The following ANKS1B variants were observed in gnomAD, a reference collection of about 807,000 sequenced individuals.
ANKS1B encodes ankyrin repeat and sterile alpha motif domain-containing protein 1B.
Under a neutral mutation model 148.3 loss-of-function variants are expected in ANKS1B, and 36 were observed. That is an observed-to-expected ratio of 0.24 (90% CI 0.19 to 0.32). The LOEUF is 0.32. Among genes scored for constraint, ANKS1B ranks in the 10% least tolerant of loss-of-function variants. The probability of loss-of-function intolerance (pLI) is 1.00; values close to 1 mark genes in which losing one functional copy is unlikely to be tolerated. For missense variants in ANKS1B, 1,157 were observed against 1,542.6 expected, an observed-to-expected ratio of 0.75 and a Z score of 4.19; for synonymous variants, 542 against 560.8, an observed-to-expected ratio of 0.97 and a Z score of 0.47.
At chr12:98,898,027 G>A (rs1039400039) in intron 17 of ANKS1B, among the ~76,000 whole-genome samples, 3 of 152,136 alleles carry the variant, frequency 2.0e-5, no homozygotes, top group African/African-American at 4.8e-5. Context: ...GACATACAGA[G>A]GGAAACAGTA....
intron 1 of ANKS1B, among the ~76,000 whole-genome samples, chr12:99,887,819 T>C (rs146443809): frequency 1.3e-5 from 2 of 152,228 alleles, no homozygotes; most frequent in East Asian, 1.9e-4. Flanking sequence ...TAAACTTCCA[T>C]AGTGGACAGA....
chr12:99,464,411 C>A (rs530341982), intron 10 of ANKS1B, among the ~76,000 whole-genome samples: 1 of 152,328 alleles, frequency 6.6e-6, no homozygotes, highest in Admixed American at 6.5e-5. Context: ...GAATGCAGTT[C>A]CTCACCAGCA....
chr12:98,977,895 T>G (rs2099900098), intron 17 of ANKS1B, among the ~76,000 whole-genome samples: 1 of 152,126 alleles, frequency 6.6e-6, no homozygotes, highest in Non-Finnish European at 1.5e-5. Flanking sequence ...GTGATATAGA[T>G]TCAGTAGTAT....
intron 1 of ANKS1B, among the ~76,000 whole-genome samples, chr12:99,886,555 A>G (rs920407939): frequency 1.3e-5 from 2 of 152,084 alleles, no homozygotes; most frequent in African/African-American, 2.4e-5. Flanking sequence ...ATATGTATGT[A>G]TGTGTATATA....
intron 7 of ANKS1B, among the ~76,000 whole-genome samples, 160 bp from the exon 8 acceptor site, chr12:99,773,248 G>A (rs533729693): frequency 6.6e-6 from 1 of 152,058 alleles, no homozygotes; most frequent in South Asian, 2.1e-4. Flanking sequence ...ACCATAATTA[G>A]TACAACAATA....
intron 2 of ANKS1B, among the ~76,000 whole-genome samples, chr12:99,823,741 A>G (rs1359394840): frequency 6.6e-6 from 1 of 152,214 alleles, no homozygotes; most frequent in Non-Finnish European, 1.5e-5. Flanking sequence ...TAAATCTTCA[A>G]TCTACCTTGA....
chr12:98,832,681 T>C (rs1361186623), intron 17 of ANKS1B, among the ~76,000 whole-genome samples: 1 of 152,156 alleles, frequency 6.6e-6, no homozygotes, highest in East Asian at 1.9e-4. Context: ...ACTGTGCTGC[T>C]GATGTCTCCT....
At chr12:99,847,213 C>G (rs1279634442) in intron 1 of ANKS1B, among the ~76,000 whole-genome samples, 1 of 151,946 alleles carries the variant, frequency 6.6e-6, no homozygotes, top group South Asian at 2.1e-4. Context: ...TCAAATGATC[C>G]TCCCACCTCA....
intron 17 of ANKS1B, among the ~76,000 whole-genome samples, chr12:98,933,617 A>G (rs2099815741): frequency 6.6e-6 from 1 of 152,088 alleles, no homozygotes; most frequent in Non-Finnish European, 1.5e-5. Context: ...GTTCCCACCA[A>G]CAGTGTGGAG....
intron 8 of ANKS1B, among the ~76,000 whole-genome samples, chr12:99,657,897 CAA>C (rs58151526): frequency 0.018 from 1,321 of 75,340 alleles, 22 homozygotes; most frequent in African/African-American, 0.066. Flanking sequence ...TCTCCTCCCT[CAA>C]AAAAAAAAAA....
chr12:99,357,237 T>C (rs1267976072), intron 12 of ANKS1B, among the ~76,000 whole-genome samples: 1 of 152,192 alleles, frequency 6.6e-6, no homozygotes, highest in East Asian at 1.9e-4. Context: ...CTATAAGTTT[T>C]TGGAAAGTGT....
At chr12:99,895,449 G>T (rs34166947) in intron 1 of ANKS1B, among the ~76,000 whole-genome samples, 1 of 150,312 alleles carries the variant, frequency 6.7e-6, no homozygotes, top group African/African-American at 2.4e-5. Flanking sequence ...GTGTCCTTTC[G>T]ATTCTATTTC....
intron 17 of ANKS1B, among the ~76,000 whole-genome samples, chr12:99,001,923 T>A (rs1332468756): frequency 1.3e-5 from 2 of 152,214 alleles, no homozygotes; most frequent in Non-Finnish European, 2.9e-5. Flanking sequence ...TCATTTGGCT[T>A]ATTTCTTTTA....
intron 8 of ANKS1B, among the ~76,000 whole-genome samples, chr12:99,697,687 G>C (rs1360812997): frequency 6.6e-6 from 1 of 152,050 alleles, no homozygotes; most frequent in East Asian, 1.9e-4. Flanking sequence ...GATTTGTCAA[G>C]AGCCACAGAA....
intron 1 of ANKS1B, among the ~76,000 whole-genome samples, chr12:99,903,358 T>C (rs2031566121): frequency 1.3e-5 from 2 of 152,174 alleles, no homozygotes; most frequent in South Asian, 4.1e-4. Context: ...ATTTTCAAAC[T>C]AGAAGCTGAA....
intron 11 of ANKS1B, among the ~76,000 whole-genome samples, chr12:99,401,053 T>A (rs2094391115): frequency 6.8e-6 from 1 of 146,122 alleles, no homozygotes; most frequent in Non-Finnish European, 1.5e-5. Flanking sequence ...CACCAATATT[T>A]CACCAAATAT....
At chr12:99,154,468 C>A (rs2075722736) in intron 14 of ANKS1B, 73 bp from the exon 15 acceptor site, 2 of 1,612,602 alleles carry the variant, frequency 1.2e-6, no homozygotes, top group African/African-American at 2.7e-5. Flanking sequence ...TAGTCCTGGG[C>A]TGAGAGGTGG....
intron 1 of ANKS1B, among the ~76,000 whole-genome samples, chr12:99,859,715 C>T (rs748632993): frequency 7.2e-4 from 109 of 151,720 alleles, no homozygotes; most frequent in Non-Finnish European, 1.2e-3. Context: ...GGCACAATCT[C>T]GGCTCACTGC....
At chr12:99,581,640 C>T (rs1327243239) in intron 9 of ANKS1B, among the ~76,000 whole-genome samples, 1 of 152,020 alleles carries the variant, frequency 6.6e-6, no homozygotes, top group East Asian at 1.9e-4. Context: ...CCTGTAATCC[C>T]AGCACTTTGG....
Sources: allele counts gnomAD v4.1 joint callset (sites outside exome capture counted in the v4.1 genomes callset), GRCh38; gene constraint gnomAD v4.1.1; transcripts MANE v1.5; gene names NCBI Gene and HGNC (gene_info 2026-07-23, HGNC 2026-07-21).